Variants in PARL observed in about 807,000 individuals in gnomAD.
PARL encodes the protein presenilin associated rhomboid like, also known as presenilin-associated rhomboid-like protein, mitochondrial.
In PARL, 44 loss-of-function variants were observed where a neutral mutation model predicts 51.6. That is an observed-to-expected ratio of 0.85 (90% CI 0.67 to 1.10). PARL has a LOEUF of 1.10. PARL is among the 50% of genes least tolerant of loss of function. The pLI is 0.00. For synonymous variants in PARL, 172 were observed against 164.0 expected (o/e 1.05, Z -0.37); for missense variants, 441 against 469.5 (o/e 0.94, Z 0.56).
intron 1 of PARL, among the ~76,000 whole-genome samples, chr3:183,869,913 C>T (rs1442955710): frequency 6.6e-6 from 1 of 152,036 alleles, no homozygotes; most frequent in Admixed American, 6.5e-5. Flanking sequence ...TCATTCTCCT[C>T]TACAAACACC....
At chr3:183,856,966 T>C (rs1253336206) in intron 4 of PARL, among the ~76,000 whole-genome samples, 2 of 152,234 alleles carry the variant, frequency 1.3e-5, no homozygotes, top group Non-Finnish European at 2.9e-5. Flanking sequence ...CATTTCACTG[T>C]AGTAATATTC....
At chr3:183,841,357 G>A (rs535845106) in intron 6 of PARL, among the ~76,000 whole-genome samples, 1 of 152,230 alleles carries the variant, frequency 6.6e-6, no homozygotes, top group African/African-American at 2.4e-5. Context: ...TTTTTTGAAG[G>A]ACTAGATACA....
Position 183,854,904 on chromosome 3 carries a change from C to G in PARL, c.511+7849G>C, listed in dbSNP as rs375334283. On this transcript the variant is annotated intron_variant, in intron 4 of 9. Transcript: ENST00000317096. ...GAATGGAAACAACTCAAATGCCCAT[C>G]AACTGATGAAGGAATAAACAAATGT... Among the ~76,000 whole-genome samples the G allele has an allele frequency of 1.9e-3, 287 of 152,060 alleles. 3 individuals are homozygous for G. The highest frequency in any genetic ancestry group is 6.7e-3 in the African/African-American group (276 of 41,480).
chr3:183,882,221 AAATATATATATATATATATATATT>A (rs1276079077), intron 1 of PARL, among the ~76,000 whole-genome samples: 605 of 48,276 alleles, frequency 0.013, 38 homozygotes, highest in African/African-American at 0.074. Context: ...AAAAAAAAAA[AAATATATATATATATATATATATT>A]TATATATATA....
At chr3:183,863,636 CCT>C (rs1349140180) in intron 3 of PARL, among the ~76,000 whole-genome samples, 2 of 152,040 alleles carry the variant, frequency 1.3e-5, no homozygotes, top group East Asian at 1.9e-4. Flanking sequence ...ACAGGGTCCC[CCT>C]GTGTTGCCAA....
intron 7 of PARL, among the ~76,000 whole-genome samples, chr3:183,834,215 GT>G (rs1728291677): frequency 6.6e-6 from 1 of 152,228 alleles, no homozygotes; most frequent in South Asian, 2.1e-4. Flanking sequence ...CATGAAGCAT[GT>G]TTCATCTTAA....
chr3:183,874,456 T>C (rs189471168), intron 1 of PARL, among the ~76,000 whole-genome samples: 1 of 150,560 alleles, frequency 6.6e-6, no homozygotes, highest in Non-Finnish European at 1.5e-5. Flanking sequence ...TCACCCAGGC[T>C]GCAGTGCAGT....
chr3:183,826,859 G>A (rs2108567071), downstream of PARL: 1 of 782,812 alleles, frequency 1.3e-6, no homozygotes, highest in South Asian at 5.8e-5. Flanking sequence ...GGAAAAGAGA[G>A]CAGCTCTCTT....
At chr3:183,871,209 A>G (rs939864366) in intron 1 of PARL, among the ~76,000 whole-genome samples, 2 of 152,066 alleles carry the variant, frequency 1.3e-5, no homozygotes, top group Admixed American at 1.3e-4. Context: ...AAAGTAAGGT[A>G]GTACTATACT....
intron 7 of PARL, among the ~76,000 whole-genome samples, chr3:183,836,932 G>C (rs1728670614): frequency 6.6e-6 from 1 of 152,050 alleles, no homozygotes; most frequent in Admixed American, 6.6e-5. Context: ...GTAGAGATGG[G>C]GTTCCACCAT....
At chr3:183,828,422 G>A (rs1320951949), downstream of PARL, among the ~76,000 whole-genome samples, 1 of 152,228 alleles carries the variant, frequency 6.6e-6, no homozygotes, top group Non-Finnish European at 1.5e-5. Context: ...TACACCACGT[G>A]TGCCGTTTCC....
At chr3:183,849,254 C>T (rs1730294155) in intron 4 of PARL, among the ~76,000 whole-genome samples, 1 of 152,172 alleles carries the variant, frequency 6.6e-6, no homozygotes, top group Non-Finnish European at 1.5e-5. Context: ...AGTGCACATG[C>T]AGCACATTCC....
intron 1 of PARL, among the ~76,000 whole-genome samples, chr3:183,874,540 C>G (rs1733574514): frequency 1.3e-5 from 2 of 151,810 alleles, no homozygotes; most frequent in South Asian, 4.2e-4. Context: ...TCCCAAGTAG[C>G]TGGGACTACA....
chr3:183,827,967 G>A (rs917259536), downstream of PARL, among the ~76,000 whole-genome samples: 3 of 152,252 alleles, frequency 2.0e-5, no homozygotes, highest in African/African-American at 7.2e-5. Flanking sequence ...AGGCGGCACA[G>A]CCCAAGAGGC....
rs143066769 is a variant in PARL, at chr3:183,865,910, C to T, written c.462+715G>A. 9.2e-3 allele frequency among the ~76,000 whole-genome samples: 1,359 copies of T among 148,172 alleles called. 12 individuals are homozygous for T. The highest frequency in any genetic ancestry group is 0.055 in the Middle Eastern group (16 of 292). On this transcript the variant is annotated intron_variant, in intron 3 of 9. Coordinates refer to ENST00000317096, the MANE Select transcript of PARL (RefSeq NM_018622.7). ...TTTTTTTTTTTTTGAGATGAGTTCT[C>T]GCTCTGTCACCCAGGCTGGAGTGCA...
At chr3:183,873,902 C>A (rs1733498996) in intron 1 of PARL, among the ~76,000 whole-genome samples, 1 of 152,024 alleles carries the variant, frequency 6.6e-6, no homozygotes. Context: ...CACAAGCTGG[C>A]CCCAGGGTTA....
At chr3:183,842,204 G>T in intron 6 of PARL, 94 bp downstream of exon 6, 1 of 1,186,928 alleles carries the variant, frequency 8.4e-7, no homozygotes, top group Non-Finnish European at 1.3e-6. Flanking sequence ...CACTCACTAC[G>T]TGTAGAATAT....
chr3:183,841,132 G>A (rs1270309124), intron 6 of PARL, among the ~76,000 whole-genome samples: 3 of 152,116 alleles, frequency 2.0e-5, no homozygotes, highest in East Asian at 1.9e-4. Context: ...CCAGACACAC[G>A]AAATCAGAAT....
chr3:183,879,613 G>C (rs1459894062), intron 1 of PARL: 1 of 325,768 alleles, frequency 3.1e-6, no homozygotes, highest in Admixed American at 6.5e-5. Context: ...GGTCAGTTAA[G>C]AGTTTGGTTT....
Sources: gnomAD v4.1 joint callset for allele counts (sites outside exome capture counted in the v4.1 genomes callset) on GRCh38, gnomAD v4.1.1 for gene constraint, MANE v1.5 for transcripts, NCBI Gene and HGNC (gene_info 2026-07-23, HGNC 2026-07-21) for gene names.